Variants in KCNC2 observed in about 807,000 individuals in gnomAD.
KCNC2 encodes the protein potassium voltage-gated channel subfamily C member 2.
In KCNC2, 21 loss-of-function variants were observed where a neutral mutation model predicts 44.5. That is an observed-to-expected ratio of 0.47 (90% CI 0.33 to 0.68). KCNC2 has a LOEUF of 0.68. KCNC2 is among the 30% of genes least tolerant of loss of function. The pLI is 0.01. For missense variants in KCNC2, 589 were observed against 826.2 expected (o/e 0.71, Z 3.52); for synonymous variants, 391 against 339.1 (o/e 1.15, Z -1.68).
rs1565801387 is a variant in KCNC2 at position 75,042,684 on chromosome 12, T to C, written c.*421A>G. The C allele has an allele frequency of 2.2e-5, 26 of 1,194,560 alleles. No homozygotes were observed. Among genetic ancestry groups the C allele is most frequent in the Non-Finnish European group, 2.6e-5 (25 of 961,094 alleles). 74.0% of individuals were successfully genotyped at this position (1,194,560 alleles called of 1,614,324 possible). ...CATGCAAATGAGCTGACACAAGTCA[T>C]GTCGTGTGCAATCAAGATAGGATCC... is the stretch of plus-strand genomic sequence containing the variant. On this transcript the variant is annotated 3_prime_UTR_variant, in exon 5 of 5. Coordinates refer to ENST00000549446, the MANE Select transcript of KCNC2 (RefSeq NM_139137.4).
chr12:75,145,408 T>G (rs1019618376), intron 2 of KCNC2, among the ~76,000 whole-genome samples: 1 of 152,164 alleles, frequency 6.6e-6, no homozygotes, highest in Non-Finnish European at 1.5e-5. Flanking sequence ...TTCTGTTTAT[T>G]TACATGCTGG....
intron 2 of KCNC2, among the ~76,000 whole-genome samples, chr12:75,174,816 T>C (rs1892068761): frequency 6.6e-6 from 1 of 151,976 alleles, no homozygotes; most frequent in Admixed American, 6.6e-5. Flanking sequence ...CATATTTCAT[T>C]ACATGTTCTA....
At chr12:75,185,841 T>C (rs1892902089) in intron 2 of KCNC2, among the ~76,000 whole-genome samples, 1 of 151,410 alleles carries the variant, frequency 6.6e-6, no homozygotes, top group African/African-American at 2.4e-5. Context: ...AGGTCAGGAG[T>C]TCAAGACTAG....
intron 2 of KCNC2, among the ~76,000 whole-genome samples, chr12:75,106,662 A>G (rs937119926): frequency 2.6e-5 from 4 of 152,122 alleles, no homozygotes; most frequent in Non-Finnish European, 5.9e-5. Flanking sequence ...TCCCAATAAG[A>G]TAGAAGGTAA....
intron 2 of KCNC2, among the ~76,000 whole-genome samples, chr12:75,162,594 C>A (rs1891190203): frequency 6.6e-6 from 1 of 151,738 alleles, no homozygotes; most frequent in African/African-American, 2.4e-5. Context: ...TGACTGATGT[C>A]ACATCTTAAA....
intron 2 of KCNC2, among the ~76,000 whole-genome samples, chr12:75,103,979 G>T (rs1205649602): frequency 3.9e-5 from 6 of 152,130 alleles, no homozygotes; most frequent in African/African-American, 7.2e-5. Context: ...AGGTATTGTG[G>T]TGTGAGTGTT....
At chr12:75,201,165 A>T (rs1221755240) in intron 2 of KCNC2, among the ~76,000 whole-genome samples, 1 of 148,662 alleles carries the variant, frequency 6.7e-6, no homozygotes, top group Non-Finnish European at 1.5e-5. Flanking sequence ...CAATGGAAAC[A>T]GGAAGCTGGG....
At chr12:75,180,935 A>C (rs778930969) in intron 2 of KCNC2, among the ~76,000 whole-genome samples, 2 of 152,160 alleles carry the variant, frequency 1.3e-5, no homozygotes, top group Non-Finnish European at 2.9e-5. Flanking sequence ...TTTTCCAAAA[A>C]AATCAATTTC....
rs981503185 is a variant in KCNC2, at chr12:75,202,442, A to T, written c.687+4855T>A. 3.5e-4 allele frequency among the ~76,000 whole-genome samples: 53 copies of T among 151,866 alleles called. 1 individual carries two copies. The highest frequency in any genetic ancestry group is 1.3e-3 in the African/African-American group (53 of 41,438). On this transcript the variant is annotated intron_variant, in intron 2 of 4. Coordinates refer to ENST00000549446, the MANE Select transcript of KCNC2 (RefSeq NM_139137.4). Reference sequence around the variant, plus strand: ...AGCCTTTTGACCCTGAAAAGGTCAAAAGACACTTCAATGCTTAGGTGGAAA... The same window carrying T: ...AGCCTTTTGACCCTGAAAAGGTCAATAGACACTTCAATGCTTAGGTGGAAA...
At chr12:75,129,686 T>C (rs1318428952) in intron 2 of KCNC2, among the ~76,000 whole-genome samples, 1 of 152,138 alleles carries the variant, frequency 6.6e-6, no homozygotes. Flanking sequence ...TGAAATCTCT[T>C]TCATGATGTG....
chr12:75,204,313 C>T (rs1235761101), intron 2 of KCNC2, among the ~76,000 whole-genome samples: 2 of 151,822 alleles, frequency 1.3e-5, no homozygotes, highest in African/African-American at 4.8e-5. Context: ...CCAACCAAAA[C>T]AAAAGGCAAA....
Position 75,042,260 on chromosome 12 carries a change from C to A in KCNC2, c.*845G>T. ...AGCAGCAATTTCTGGCTAAACAATG[C>A]AAGCCTGGCTGGCAGTTACCTTTCT... On this transcript the variant is annotated 3_prime_UTR_variant, in exon 5 of 5. Coordinates refer to ENST00000549446, the MANE Select transcript of KCNC2 (RefSeq NM_139137.4). 14 of 1,603,684 alleles carry A rather than the reference C, an allele frequency of 8.7e-6. No individual in the cohort carries two copies. The highest frequency in any genetic ancestry group is 1.1e-5 in the South Asian group (1 of 89,656).
Position 75,074,223 on chromosome 12 carries a change from T to C in KCNC2, c.688-22906A>G, listed in dbSNP as rs369103400. On this transcript the variant is annotated intron_variant, in intron 2 of 4. Coordinates refer to ENST00000549446, the MANE Select transcript of KCNC2 (RefSeq NM_139137.4). ...CAAGCTAGGAAAGAAGATCTAAGAC[T>C]ACTCATAGATTTTTTTTTTTTTTTT... Among the ~76,000 whole-genome samples, 245 of 143,196 alleles carry C rather than the reference T, an allele frequency of 1.7e-3. 1 individual carries two copies. Among genetic ancestry groups the C allele is most frequent in the African/African-American group, 5.9e-3 (239 of 40,274 alleles). The allele number at this position is 143,196 out of a possible 152,430, so 93.9% of individuals were successfully genotyped here.
chr12:75,171,423 T>C (rs1258084000), intron 2 of KCNC2, among the ~76,000 whole-genome samples: 1 of 151,836 alleles, frequency 6.6e-6, no homozygotes, highest in Admixed American at 6.6e-5. Context: ...CTACCACAAG[T>C]CTTTGTAATT....
chr12:75,089,420 A>G (rs1047916190), intron 2 of KCNC2, among the ~76,000 whole-genome samples: 1 of 151,868 alleles, frequency 6.6e-6, no homozygotes, highest in Non-Finnish European at 1.5e-5. Context: ...TTCTTGTTCC[A>G]CAAGTAATTG....
intron 2 of KCNC2, chr12:75,140,009 C>T (rs751658969): frequency 3.3e-5 from 5 of 152,110 alleles, no homozygotes; most frequent in Admixed American, 1.3e-4. Context: ...AAAATATAGG[C>T]ATCAGAATAA....
chr12:75,065,303 A>G (rs1882723879), intron 2 of KCNC2, among the ~76,000 whole-genome samples: 1 of 152,094 alleles, frequency 6.6e-6, no homozygotes, highest in Non-Finnish European at 1.5e-5. Flanking sequence ...TTTCTTCAAA[A>G]GACCCCTAAC....
intron 2 of KCNC2, among the ~76,000 whole-genome samples, chr12:75,191,355 C>A (rs1424950262): frequency 6.6e-6 from 1 of 151,290 alleles, no homozygotes; most frequent in Non-Finnish European, 1.5e-5. Context: ...TTTTCTTCCT[C>A]AGGCTATTCA....
chr12:75,167,853 C>A (rs1180643496), intron 2 of KCNC2, among the ~76,000 whole-genome samples: 1 of 151,180 alleles, frequency 6.6e-6, no homozygotes, highest in East Asian at 1.9e-4. Flanking sequence ...GCCAATGTCT[C>A]AAGATTTTCT....
Sources: gnomAD v4.1 joint callset for allele counts (sites outside exome capture counted in the v4.1 genomes callset) on GRCh38, gnomAD v4.1.1 for gene constraint, MANE v1.5 for transcripts, NCBI Gene and HGNC (gene_info 2026-07-23, HGNC 2026-07-21) for gene names.